SFXN5: variants seen among roughly 807,000 people sequenced by gnomAD.
SFXN5 encodes sideroflexin-5.
Under a neutral mutation model 50.2 loss-of-function variants are expected in SFXN5, and 43 were observed. That is an observed-to-expected ratio of 0.86 (90% CI 0.67 to 1.11). The LOEUF (loss-of-function observed/expected upper bound fraction) is 1.11, where lower values mean the gene tolerates loss of function less well. Among genes scored for constraint, SFXN5 ranks in the 50% least tolerant of loss-of-function variants. The probability of loss-of-function intolerance (pLI) is 0.00; values close to 1 mark genes in which losing one functional copy is unlikely to be tolerated. For synonymous variants in SFXN5, 203 were observed against 185.8 expected (o/e 1.09, Z -0.75); for missense variants, 463 against 454.1 (o/e 1.02, Z -0.18).
chr2:72,986,112 C>T (rs952528675), intron 10 of SFXN5, among the ~76,000 whole-genome samples: 3 of 152,206 alleles, frequency 2.0e-5, no homozygotes, highest in Non-Finnish European at 2.9e-5. Context: ...CTTTATTAGG[C>T]CCCTTAACGA....
chr2:73,039,039 C>G (rs548714301), intron 3 of SFXN5, among the ~76,000 whole-genome samples: 20 of 152,258 alleles, frequency 1.3e-4, no homozygotes, highest in African/African-American at 4.6e-4. Flanking sequence ...TGATTCCCCC[C>G]TCCTCAGCCT....
At chr2:73,007,839 T>C (rs1049834889) in intron 6 of SFXN5, among the ~76,000 whole-genome samples, 6 of 152,164 alleles carry the variant, frequency 3.9e-5, no homozygotes, top group African/African-American at 1.2e-4. Flanking sequence ...TACACTTCAG[T>C]GTATAAGGGG....
intron 11 of SFXN5, 63 bp from the exon 12 acceptor site, chr2:72,968,596 C>T: frequency 6.6e-7 from 1 of 1,508,020 alleles, no homozygotes; most frequent in Non-Finnish European, 9.2e-7. Context: ...CAGCACACCA[C>T]CCAGAGCCCT....
rs952086931 is a variant in SFXN5 at position 73,005,185 on chromosome 2, T to A, written c.358-3607A>T. ...AACAGCTATGATTTCTAGCCCAGCCTCCACCCTATCGCGCTGCAGGACCTT... is the reference window on the plus strand; with the variant it reads ...AACAGCTATGATTTCTAGCCCAGCCACCACCCTATCGCGCTGCAGGACCTT... On this transcript the variant is annotated intron_variant, in intron 6 of 13. Coordinates refer to ENST00000272433, the MANE Select transcript of SFXN5 (RefSeq NM_144579.3). 2.0e-5 allele frequency among the ~76,000 whole-genome samples: 3 copies of A among 152,316 alleles called. No individual in the cohort carries two copies. The East Asian group carries it at 5.8e-4, about 29-fold the overall frequency.
chr2:72,961,020 G>A lies in SFXN5; in HGVS notation c.945+111C>T. ...TGGGCCAGCCTCATTCACGGTTCCAGCCCCAGCGCCTAGCATGGCGCTAAG... is the reference window on the plus strand; with the variant it reads ...TGGGCCAGCCTCATTCACGGTTCCAACCCCAGCGCCTAGCATGGCGCTAAG... On this transcript the variant is annotated intron_variant, in intron 13 of 13. Coordinates refer to ENST00000272433, the MANE Select transcript of SFXN5 (RefSeq NM_144579.3). The surrounding 1 kb of genome is among the most constrained non-coding windows in gnomAD (Gnocchi z 4.4). 1.4e-6 allele frequency: 1 copy of A among 728,268 alleles called. No individual in the cohort carries two copies. Among genetic ancestry groups the A allele is most frequent in the Non-Finnish European group, 2.1e-6 (1 of 486,872 alleles). The allele number at this position is 728,268 out of a possible 1,614,324, so 45.1% of individuals were successfully genotyped here.
chr2:72,972,050 G>A (rs1317384691), intron 10 of SFXN5, among the ~76,000 whole-genome samples: 1 of 152,168 alleles, frequency 6.6e-6, no homozygotes, highest in Non-Finnish European at 1.5e-5. Context: ...CATCCCCCCT[G>A]ACCCCGAGGC....
intron 3 of SFXN5, among the ~76,000 whole-genome samples, chr2:73,029,056 T>C (rs1287041355): frequency 6.6e-6 from 1 of 152,164 alleles, no homozygotes; most frequent in African/African-American, 2.4e-5. Context: ...CGCAGTCAAG[T>C]GGCCTCCTGG....
intron 2 of SFXN5, among the ~76,000 whole-genome samples, chr2:73,048,286 C>T (rs968397217): frequency 1.1e-4 from 17 of 152,132 alleles, no homozygotes; most frequent in African/African-American, 3.1e-4. Flanking sequence ...GATGTGATCT[C>T]GGCTCACTGC....
Position 72,944,655 on chromosome 2 carries a change from T to G in SFXN5, c.*367A>C, listed in dbSNP as rs1252239469. 3 of 183,912 alleles carry G rather than the reference T, an allele frequency of 1.6e-5. No homozygotes were observed. The highest frequency in any genetic ancestry group is 3.0e-4 in the East Asian group (2 of 6,634). The allele number at this position is 183,912 out of a possible 1,614,324, so 11.4% of individuals were successfully genotyped here. On this transcript the variant is annotated 3_prime_UTR_variant, in exon 14 of 14. Coordinates refer to ENST00000272433, the MANE Select transcript of SFXN5 (RefSeq NM_144579.3). ...GGTCAGCTGAAACTAAGGCTCAGAT[T>G]TGATTCTGATAAAAAATAAAAATAA...
At chr2:72,972,350 G>GAT (rs1282020121) in intron 10 of SFXN5, among the ~76,000 whole-genome samples, 1 of 152,260 alleles carries the variant, frequency 6.6e-6, no homozygotes, top group Non-Finnish European at 1.5e-5. Context: ...CAGGGGGCAA[G>GAT]AGGGTTGGGG....
At chr2:72,956,664 C>A (rs928698061) in intron 13 of SFXN5, among the ~76,000 whole-genome samples, 6 of 152,170 alleles carry the variant, frequency 3.9e-5, no homozygotes, top group African/African-American at 1.4e-4. Context: ...TTGATACCTA[C>A]CTTGGAGAAT....
chr2:72,996,993 ACCCACCAAGTC>A (rs1485964742), intron 9 of SFXN5: 2 of 152,192 alleles, frequency 1.3e-5, no homozygotes, highest in Admixed American at 6.5e-5. Context: ...TTTGGCCTTC[ACCCACCAAGTC>A]CCCAGTATCA....
At chr2:73,052,070 A>T (rs956275699) in intron 2 of SFXN5, among the ~76,000 whole-genome samples, 2 of 152,186 alleles carry the variant, frequency 1.3e-5, no homozygotes, top group Non-Finnish European at 1.5e-5. Context: ...TTAATGCTCA[A>T]ATTGTCCCAA....
At chr2:73,010,485 G>A (rs1026285041) in intron 6 of SFXN5, among the ~76,000 whole-genome samples, 1 of 152,174 alleles carries the variant, frequency 6.6e-6, no homozygotes, top group Non-Finnish European at 1.5e-5. Context: ...ATGGAAGTCT[G>A]GGTTCCTGAT....
intron 1 of SFXN5, among the ~76,000 whole-genome samples, chr2:73,068,862 A>G (rs1299016501): frequency 1.3e-5 from 2 of 151,892 alleles, no homozygotes; most frequent in Non-Finnish European, 2.9e-5. Context: ...AGGCTTCTCC[A>G]AGAAAGTGAT....
chr2:73,014,272 T>C (rs2105787547), intron 6 of SFXN5, among the ~76,000 whole-genome samples: 1 of 152,316 alleles, frequency 6.6e-6, no homozygotes, highest in South Asian at 2.1e-4. Context: ...TTTCTTTCTT[T>C]TCCACATAGG....
At chr2:73,024,627 T>A (rs1009787186) in intron 3 of SFXN5, among the ~76,000 whole-genome samples, 2 of 152,070 alleles carry the variant, frequency 1.3e-5, no homozygotes, top group African/African-American at 4.8e-5. Flanking sequence ...GCACGCCAGC[T>A]TGGATGACAG....
intron 7 of SFXN5, 104 bp from the exon 8 acceptor site, chr2:73,000,591 G>C (rs955144773): frequency 5.5e-6 from 6 of 1,095,348 alleles, no homozygotes; most frequent in Non-Finnish European, 8.0e-6. Context: ...CACAGCATGC[G>C]GTCTCCAGCT....
chr2:73,033,460 G>A (rs1213192853), intron 3 of SFXN5, among the ~76,000 whole-genome samples: 2 of 152,238 alleles, frequency 1.3e-5, no homozygotes, highest in Non-Finnish European at 2.9e-5. Context: ...AGGTGGCAGA[G>A]ATGGAGATTA....
Sources: gnomAD v4.1 joint callset for allele counts (sites outside exome capture counted in the v4.1 genomes callset) on GRCh38, gnomAD v4.1.1 for gene constraint, Gnocchi (gnomAD v3.1) non-coding constraint, MANE v1.5 for transcripts, NCBI Gene and HGNC (gene_info 2026-07-23, HGNC 2026-07-21) for gene names.